The following FBXL18 variants were observed in gnomAD, a reference collection of about 807,000 sequenced individuals.
FBXL18 encodes F-box and leucine rich repeat protein 18, also known as F-box/LRR-repeat protein 18.
A neutral mutation model predicts 46.0 loss-of-function variants in FBXL18; 36 were observed. That is an observed-to-expected ratio of 0.78 (90% CI 0.60 to 1.03). The LOEUF (loss-of-function observed/expected upper bound fraction) is 1.03, where lower values mean the gene tolerates loss of function less well. Among genes scored for constraint, FBXL18 ranks in the 50% least tolerant of loss-of-function variants. The pLI is 0.00. For missense variants in FBXL18, 977 were observed against 1,004.1 expected (o/e 0.97, Z 0.36); for synonymous variants, 557 against 465.3 (o/e 1.20, Z -2.54).
chr7:5,485,509 A>T (rs1157606497), intron 4 of FBXL18, among the ~76,000 whole-genome samples: 7 of 152,194 alleles, frequency 4.6e-5, no homozygotes, highest in Non-Finnish European at 7.3e-5. Flanking sequence ...ATGTGCAAAA[A>T]AAATAAATAA....
Position 5,501,294 on chromosome 7 carries a change from G to A in FBXL18, c.975C>T (p.Thr325=), listed in dbSNP as rs771238935. 1 of 1,614,174 alleles carries A rather than the reference G, an allele frequency of 6.2e-7. No individual in the cohort carries two copies. The highest frequency in any genetic ancestry group is 8.5e-7 in the Non-Finnish European group (1 of 1,180,024). Residue 325 remains threonine (T), a synonymous_variant, in exon 3 of 5, where the codon ACC becomes ACT. Transcript: ENST00000382368. ...GCTGGATCAGATGGCCGCCTGACAG[G>A]GTACAGCGGCTGAAACTGAAGTAGA... The part of the protein sequence containing the change: ...NPFYFSFSRC[T]LSGGHLIQQV...
chr7:5,500,690 T>A lies in FBXL18; in HGVS notation c.1579A>T (p.Ile527Phe). 1 of 1,610,780 alleles carries A rather than the reference T, an allele frequency of 6.2e-7. No individual in the cohort carries two copies. The highest frequency in any genetic ancestry group is 8.5e-7 in the Non-Finnish European group (1 of 1,179,022). ...QSVGDSEVAA[I>F]GQLAFLRHLT... is the part of the protein sequence containing the mutation. ...TGCCGCAGGAAGGCCAGCTGGCCGA[T>A]GGCGGCCACCTCCGAGTCCCCGACA... The change falls in exon 3 of 5, where the codon ATC (isoleucine) becomes TTC (phenylalanine). Residue 527 changes from isoleucine to phenylalanine, a missense_variant. By Grantham distance (21) the Ile-to-Phe change is conservative (BLOSUM62 0). Transcript: ENST00000382368.
intron 4 of FBXL18, among the ~76,000 whole-genome samples, chr7:5,487,897 C>A (rs1327752324): frequency 6.6e-6 from 1 of 152,226 alleles, no homozygotes; most frequent in African/African-American, 2.4e-5. Flanking sequence ...GAGGGACTGG[C>A]ACAGAGGGAT....
rs1357625334 is a variant in FBXL18, at chr7:5,501,856, T to C, written c.413A>G (p.Lys138Arg). 6 of 1,601,440 alleles carry C rather than the reference T, an allele frequency of 3.7e-6. No individual in the cohort carries two copies. The highest frequency in any genetic ancestry group is 5.1e-6 in the Non-Finnish European group (6 of 1,175,378). Residue 138 changes from lysine (K) to arginine (R), a missense_variant, in exon 3 of 5, where the codon AAG becomes AGG. Transcript: ENST00000382368. ...CAGGTGCTGCAGGGCCGAGAGCATC[T>C]TGGAGAGGCGCAGGGAAGTGAGGTG... Reference protein sequence around the residue: ...GCHLTSLRLSKMLSALQHLRS... With the variant: ...GCHLTSLRLSRMLSALQHLRS...
rs148337426 is a variant in FBXL18 at position 5,459,843 on chromosome 7, G to A, written c.2001-12000C>T. Among the ~76,000 whole-genome samples the A allele has an allele frequency of 3.8e-3, 572 of 152,260 alleles. 2 individuals are homozygous for A. The highest frequency in any genetic ancestry group is 0.012 in the African/African-American group (512 of 41,556). ...CAGGAGAATCACTTGGGCCCAGGAG[G>A]CAGAGGCTGCCGTGAGCTGAGATCA... On this transcript the variant is annotated intron_variant and NMD_transcript_variant, in intron 4 of 6. Coordinates refer to the FBXL18 transcript ENST00000415009.
chr7:5,474,771 G>A (rs539584734), downstream of FBXL18, among the ~76,000 whole-genome samples: 159 of 150,218 alleles, frequency 1.1e-3, no homozygotes, highest in African/African-American at 3.8e-3. Flanking sequence ...GCAGTGGCGC[G>A]ATCTCGGCTC....
chr7:5,468,881 A>C (rs1452538432), intron 4 of FBXL18, among the ~76,000 whole-genome samples: 1 of 152,156 alleles, frequency 6.6e-6, no homozygotes, highest in East Asian at 1.9e-4. Context: ...GATTACAGGC[A>C]TGAGCCAACA....
chr7:5,492,272 A>G (rs1783947318), intron 3 of FBXL18, among the ~76,000 whole-genome samples: 1 of 151,048 alleles, frequency 6.6e-6, no homozygotes, highest in Non-Finnish European at 1.5e-5. Context: ...GTCTCGAAGT[A>G]CAGTGGCAGA....
At chr7:5,502,176 A>C (rs1291264716) in intron 2 of FBXL18, 145 bp from the exon 3 acceptor site, 8 of 610,218 alleles carry the variant, frequency 1.3e-5, no homozygotes. Context: ...ACCTGCCCGC[A>C]CTCTGACCTG....
chr7:5,501,195 G>T lies in FBXL18; in HGVS notation c.1074C>A (p.Ser358=), dbSNP rs766862061. Reference sequence around the variant, plus strand: ...CCGCCTTGCGGAGCAGCGAGTCTGGGGACAGGCAGTGGACGCAGCCGCTGA... The same window carrying T: ...CCGCCTTGCGGAGCAGCGAGTCTGGTGACAGGCAGTGGACGCAGCCGCTGA... ...LNLSGCVHCL[S]PDSLLRKAED... is the part of the protein sequence containing the mutation. Residue 358 remains serine, a synonymous_variant, in exon 3 of 5, where the codon TCC becomes TCA. Coordinates refer to ENST00000382368, the MANE Select transcript of FBXL18 (RefSeq NM_024963.6). 2.8e-5 allele frequency: 45 copies of T among 1,613,244 alleles called. No homozygotes were observed. The highest frequency in any genetic ancestry group is 3.7e-5 in the Non-Finnish European group (44 of 1,179,686).
At chr7:5,495,050 A>G (rs1784040233) in intron 3 of FBXL18, among the ~76,000 whole-genome samples, 1 of 152,166 alleles carries the variant, frequency 6.6e-6, no homozygotes, top group Non-Finnish European at 1.5e-5. Flanking sequence ...CACGGCACCC[A>G]GGACGGTGGC....
intron 4 of FBXL18, among the ~76,000 whole-genome samples, chr7:5,468,504 C>T (rs925822575): frequency 1.6e-4 from 25 of 152,314 alleles, no homozygotes; most frequent in Middle Eastern, 6.8e-3. Flanking sequence ...CGGGTGAGAA[C>T]GTGGGTGTGA....
chr7:5,506,791 G>A (rs532470892), intron 1 of FBXL18, among the ~76,000 whole-genome samples: 12 of 152,268 alleles, frequency 7.9e-5, no homozygotes, highest in African/African-American at 1.4e-4. Context: ...TCCTGGCTTC[G>A]AGTGATCTGC....
intron 2 of FBXL18, among the ~76,000 whole-genome samples, chr7:5,504,335 C>T (rs974905414): frequency 6.6e-6 from 1 of 151,248 alleles, no homozygotes; most frequent in African/African-American, 2.4e-5. Context: ...GAGGCTGACC[C>T]AGGAGAATCA....
intron 4 of FBXL18, among the ~76,000 whole-genome samples, chr7:5,461,823 C>T (rs1056302834): frequency 3.9e-5 from 6 of 152,180 alleles, no homozygotes; most frequent in Non-Finnish European, 2.9e-5. Context: ...CGCCTGTAGT[C>T]CCAGCTACTC....
intron 1 of FBXL18, among the ~76,000 whole-genome samples, chr7:5,510,950 T>C (rs539338774): frequency 8.5e-5 from 13 of 152,302 alleles, no homozygotes; most frequent in African/African-American, 2.9e-4. Flanking sequence ...TTGAAAGTGG[T>C]TTAAAGAGTT....
At chr7:5,509,904 G>T (rs955087537) in intron 1 of FBXL18, among the ~76,000 whole-genome samples, 1 of 151,902 alleles carries the variant, frequency 6.6e-6, no homozygotes, top group Non-Finnish European at 1.5e-5. Flanking sequence ...GCTGCTGGGC[G>T]GGCGAGTTGA....
chr7:5,509,617 G>A (rs1016408387), intron 1 of FBXL18, among the ~76,000 whole-genome samples: 5 of 149,896 alleles, frequency 3.3e-5, no homozygotes, highest in South Asian at 2.1e-4. Context: ...CAGAAGAATC[G>A]CTTGAACCTG....
intron 4 of FBXL18, among the ~76,000 whole-genome samples, chr7:5,468,190 A>T (rs555010080): frequency 3.3e-5 from 5 of 152,084 alleles, no homozygotes; most frequent in Non-Finnish European, 2.9e-5. Context: ...TCACCGTGTT[A>T]GCCAGGATGG....
Sources: allele counts gnomAD v4.1 joint callset (sites outside exome capture counted in the v4.1 genomes callset), GRCh38; gene constraint gnomAD v4.1.1; transcripts MANE v1.5; gene names NCBI Gene and HGNC (gene_info 2026-07-23, HGNC 2026-07-21).